The following SPON1 variants were observed in gnomAD, a reference collection of about 807,000 sequenced individuals.
SPON1 encodes spondin-1.
In SPON1, 52 loss-of-function variants were observed where a neutral mutation model predicts 111.7. The ratio of observed to expected loss-of-function variants is 0.47; its 90% CI spans 0.37 to 0.59. The LOEUF (loss-of-function observed/expected upper bound fraction) is 0.59, where lower values mean the gene tolerates loss of function less well. SPON1 is among the 20% of genes least tolerant of loss of function. The probability of loss-of-function intolerance (pLI) is 0.00; values close to 1 mark genes in which losing one functional copy is unlikely to be tolerated. For synonymous variants in SPON1, 410 were observed against 395.8 expected, an observed-to-expected ratio of 1.04 and a Z score of -0.43; for missense variants, 957 against 1,068.5, an observed-to-expected ratio of 0.90 and a Z score of 1.46.
At chr11:14,136,395 T>C (rs2133861293) in intron 6 of SPON1, among the ~76,000 whole-genome samples, 1 of 152,316 alleles carries the variant, frequency 6.6e-6, no homozygotes, top group East Asian at 1.9e-4. Context: ...TGGGATGTGA[T>C]CATTTTACAA....
intron 2 of SPON1, among the ~76,000 whole-genome samples, chr11:13,991,133 GGA>G (rs1848226634): frequency 6.6e-6 from 1 of 152,140 alleles, no homozygotes; most frequent in South Asian, 2.1e-4. Flanking sequence ...TTGCTAGGTT[GGA>G]GAAGTTCTCC....
chr11:14,258,785 C>T (rs1849139019), intron 11 of SPON1, among the ~76,000 whole-genome samples: 1 of 152,114 alleles, frequency 6.6e-6, no homozygotes, highest in Admixed American at 6.5e-5. Flanking sequence ...GTAAACCCTC[C>T]CCGTAGACTA....
chr11:14,137,508 C>T (rs971594777), intron 6 of SPON1, among the ~76,000 whole-genome samples: 2 of 152,148 alleles, frequency 1.3e-5, no homozygotes, highest in African/African-American at 2.4e-5. Context: ...CTTTTCGCCC[C>T]CCTCACATCT....
At chr11:14,199,000 CCTTATA>C (rs1463054067) in intron 6 of SPON1, among the ~76,000 whole-genome samples, 4 of 152,056 alleles carry the variant, frequency 2.6e-5, no homozygotes, top group Non-Finnish European at 4.4e-5. Flanking sequence ...TTGTTCCTAC[CCTTATA>C]CTTATTTCAC....
intron 2 of SPON1, among the ~76,000 whole-genome samples, chr11:14,000,733 C>T (rs1848310872): frequency 1.3e-5 from 2 of 152,084 alleles, no homozygotes; most frequent in Admixed American, 6.5e-5. Context: ...ATCACATGCA[C>T]AGCCACACAC....
intron 5 of SPON1, among the ~76,000 whole-genome samples, chr11:14,085,739 A>C (rs1209093824): frequency 1.3e-5 from 2 of 152,234 alleles, no homozygotes; most frequent in African/African-American, 4.8e-5. Flanking sequence ...TACTTTGGGC[A>C]GTATGGCCAT....
chr11:14,026,633 C>G (rs1848520853), intron 2 of SPON1, among the ~76,000 whole-genome samples: 1 of 152,172 alleles, frequency 6.6e-6, no homozygotes, highest in Non-Finnish European at 1.5e-5. Context: ...TGTCTGCTGA[C>G]TTACGCAGAG....
chr11:14,170,242 C>T (rs60058499), intron 6 of SPON1, among the ~76,000 whole-genome samples: 1 of 151,740 alleles, frequency 6.6e-6, no homozygotes, highest in Non-Finnish European at 1.5e-5. Context: ...TAGGTATTTT[C>T]TTCTCTTTGA....
chr11:14,014,990 A>C (rs1400142265), intron 2 of SPON1, among the ~76,000 whole-genome samples: 3 of 152,152 alleles, frequency 2.0e-5, no homozygotes, highest in Non-Finnish European at 4.4e-5. Flanking sequence ...ACGTACACAC[A>C]CACACTTGTC....
At chr11:14,113,157 A>G (rs1177239235) in intron 5 of SPON1, among the ~76,000 whole-genome samples, 1 of 152,194 alleles carries the variant, frequency 6.6e-6, no homozygotes, top group South Asian at 2.1e-4. Flanking sequence ...GCAATAATTT[A>G]ATCTCTAAGA....
chr11:14,139,619 T>C (rs1392371091), intron 6 of SPON1, among the ~76,000 whole-genome samples: 4 of 152,104 alleles, frequency 2.6e-5, no homozygotes, highest in African/African-American at 9.7e-5. Context: ...ACCTACTATA[T>C]GCTAGGCATT....
intron 6 of SPON1, among the ~76,000 whole-genome samples, chr11:14,181,210 TAGCATATGGGGAGGAAAGCTACACC>T (rs1344715944): frequency 9.9e-5 from 15 of 152,184 alleles, no homozygotes; most frequent in Admixed American, 9.8e-4. Flanking sequence ...TAAAGACCAC[TAGCATATGGGGAGGAAAGCTACACC>T]AGATGGCTTT....
intron 6 of SPON1, among the ~76,000 whole-genome samples, chr11:14,154,825 G>C (rs781952681): frequency 6.4e-4 from 97 of 152,288 alleles, no homozygotes; most frequent in Non-Finnish European, 1.0e-3. Context: ...ATGCAGGTTA[G>C]TGTAGGCTTT....
chr11:14,132,146 C>T (rs1023502756), intron 5 of SPON1, among the ~76,000 whole-genome samples: 4 of 152,134 alleles, frequency 2.6e-5, no homozygotes, highest in East Asian at 1.9e-4. Flanking sequence ...GGCGTGGTGG[C>T]GGACGCCTGT....
Position 14,259,800 on chromosome 11 carries a change from A to G in SPON1, c.1831+99A>G. 1.2e-5 allele frequency: 16 copies of G among 1,342,404 alleles called. No individual in the cohort carries two copies. The South Asian group carries it at 2.2e-4, about 18-fold the overall frequency. 83.2% of individuals were successfully genotyped at this position (1,342,404 alleles called of 1,614,324 possible). A position where few individuals can be genotyped will look rare whatever the true frequency, so the allele number is the denominator to read the frequency against. On this transcript the variant is annotated intron_variant, in intron 13 of 15. Transcript: ENST00000576479. The surrounding 1 kb of genome is among the most constrained non-coding windows in gnomAD (Gnocchi z 5.0). ...CCACCATAAAGGTCGGAGGCTGAGC[A>G]GAGGAAAGCATGGCCCATGGTCCTT...
At chr11:14,010,767 T>G (rs1848398432) in intron 2 of SPON1, among the ~76,000 whole-genome samples, 1 of 152,234 alleles carries the variant, frequency 6.6e-6, no homozygotes, top group Non-Finnish European at 1.5e-5. Flanking sequence ...AATATTAAGT[T>G]GGACTCATAT....
At chr11:14,194,834 T>C (rs1461420512) in intron 6 of SPON1, among the ~76,000 whole-genome samples, 1 of 152,230 alleles carries the variant, frequency 6.6e-6, no homozygotes, top group Non-Finnish European at 1.5e-5. Flanking sequence ...ATTTTATTAA[T>C]ATGTTTATTG....
chr11:14,087,756 A>G (rs1181878751), intron 5 of SPON1, among the ~76,000 whole-genome samples: 2 of 152,146 alleles, frequency 1.3e-5, no homozygotes, highest in African/African-American at 4.8e-5. Context: ...ATTTCCCACT[A>G]TTATTCTGTA....
rs80029129 is a variant in SPON1, at chr11:14,008,864, A to C, written c.345+25911A>C. 8.9e-3 allele frequency among the ~76,000 whole-genome samples: 1,361 copies of C among 152,294 alleles called. 10 individuals carry two copies. Among genetic ancestry groups the C allele is most frequent in the Middle Eastern group, 0.031 (9 of 294 alleles). ...TCCTTCTTAAAAGAACAATTTAAAA[A>C]CCTTACAACAAACAAAATTCCACCC... On this transcript the variant is annotated intron_variant, in intron 2 of 15. Coordinates refer to ENST00000576479, the MANE Select transcript of SPON1 (RefSeq NM_006108.4).
Sources: gnomAD v4.1 joint callset for allele counts (sites outside exome capture counted in the v4.1 genomes callset) on GRCh38, gnomAD v4.1.1 for gene constraint, Gnocchi (gnomAD v3.1) non-coding constraint, MANE v1.5 for transcripts, NCBI Gene and HGNC (gene_info 2026-07-23, HGNC 2026-07-21) for gene names.